The following DACH1 variants were observed in gnomAD, a reference collection of about 807,000 sequenced individuals.
DACH1 encodes the protein dachshund family transcription factor 1.
In DACH1, 12 loss-of-function variants were observed where a neutral mutation model predicts 54.2. The observed-to-expected ratio is 0.22, with a 90% CI of 0.14 to 0.36. DACH1 has a LOEUF of 0.36. Ranked by LOEUF, DACH1 falls within the 10% of genes least tolerant of loss-of-function variation. The probability of loss-of-function intolerance (pLI) is 1.00; values close to 1 mark genes in which losing one functional copy is unlikely to be tolerated. For synonymous variants in DACH1, 386 were observed against 366.2 expected (o/e 1.05, Z -0.62); for missense variants, 805 against 929.8 (o/e 0.87, Z 1.75).
chr13:71,611,338 C>G (rs561099132), intron 3 of DACH1, among the ~76,000 whole-genome samples: 5 of 152,268 alleles, frequency 3.3e-5, no homozygotes, highest in Admixed American at 3.3e-4. Context: ...ATCTTGTGTA[C>G]TGAATTAAAA....
intron 1 of DACH1, among the ~76,000 whole-genome samples, chr13:71,816,608 ATATATATACACGTG>A (rs1391733882): frequency 8.4e-5 from 8 of 94,914 alleles, no homozygotes; most frequent in African/African-American, 2.1e-4. Context: ...ATATGTGTGT[ATATATATACACGTG>A]TATATATACA....
chr13:71,557,218 G>C, intron 5 of DACH1, 60 bp from the exon 6 acceptor site: 2 of 1,478,574 alleles, frequency 1.4e-6, no homozygotes, highest in Non-Finnish European at 9.1e-7. Context: ...AACACACAAG[G>C]TTCCAATAAG....
intron 1 of DACH1, among the ~76,000 whole-genome samples, chr13:71,693,333 C>G (rs1472814110): frequency 1.6e-5 from 2 of 124,566 alleles, no homozygotes; most frequent in Non-Finnish European, 3.2e-5. Flanking sequence ...ACAAGAGTCT[C>G]GCTCTGTCGC....
intron 4 of DACH1, among the ~76,000 whole-genome samples, chr13:71,570,117 C>T (rs183465683): frequency 6.6e-6 from 1 of 152,226 alleles, no homozygotes; most frequent in East Asian, 1.9e-4. Flanking sequence ...TTGTTCTATA[C>T]AGTCAACCAA....
chr13:71,565,579 G>C (rs1404650918), intron 4 of DACH1, among the ~76,000 whole-genome samples: 1 of 152,074 alleles, frequency 6.6e-6, no homozygotes, highest in East Asian at 1.9e-4. Context: ...TTAAGAGACA[G>C]TCAATGATGT....
Position 71,620,221 on chromosome 13 carries a change from T to C in DACH1, c.1126+10335A>G, listed in dbSNP as rs1254948749. Among the ~76,000 whole-genome samples, 3 of 151,960 alleles carry C rather than the reference T, an allele frequency of 2.0e-5. No individual in the cohort carries two copies. In the East Asian group the frequency reaches 5.8e-4, roughly 29 times the overall value. On this transcript the variant is annotated intron_variant, in intron 3 of 10. Coordinates refer to ENST00000613252, the MANE Select transcript of DACH1 (RefSeq NM_080759.6). ...GCATGAGCGAGCAAAAACAGAAAGA[T>C]ACAAGCAAAAGCAAGATAATCTAGA...
At chr13:71,587,731 CAGCTGG>C in intron 3 of DACH1, among the ~76,000 whole-genome samples, 1 of 152,012 alleles carries the variant, frequency 6.6e-6, no homozygotes, top group South Asian at 2.1e-4. Context: ...AGATAAAAGC[CAGCTGG>C]ATCTGAATAA....
intron 6 of DACH1, among the ~76,000 whole-genome samples, chr13:71,544,163 G>T (rs1883317099): frequency 6.6e-6 from 1 of 152,090 alleles, no homozygotes; most frequent in Admixed American, 6.6e-5. Flanking sequence ...ACAAGCCATA[G>T]GTGTAGAAAG....
intron 10 of DACH1, among the ~76,000 whole-genome samples, chr13:71,465,528 T>C (rs929745291): frequency 4.6e-5 from 7 of 152,156 alleles, no homozygotes; most frequent in Non-Finnish European, 1.0e-4. Context: ...TTAGAGTTAG[T>C]TGTTATCTAT....
intron 2 of DACH1, among the ~76,000 whole-genome samples, chr13:71,658,472 C>T (rs1017222989): frequency 4.6e-5 from 7 of 152,100 alleles, no homozygotes; most frequent in Non-Finnish European, 7.4e-5. Flanking sequence ...ATCTCTTGAA[C>T]CCGGGAGGCT....
At chr13:71,700,430 G>T (rs1388860796) in intron 1 of DACH1, among the ~76,000 whole-genome samples, 1 of 151,608 alleles carries the variant, frequency 6.6e-6, no homozygotes, top group Non-Finnish European at 1.5e-5. Context: ...GTGACGCACG[G>T]CTGTATTCTC....
At chr13:71,519,238 G>A (rs1174118013) in intron 6 of DACH1, among the ~76,000 whole-genome samples, 1 of 151,778 alleles carries the variant, frequency 6.6e-6, no homozygotes, top group Admixed American at 6.6e-5. Flanking sequence ...AATGTATAGT[G>A]TATCACTAAT....
chr13:71,823,367 C>T (rs1169483690), intron 1 of DACH1, among the ~76,000 whole-genome samples: 1 of 151,968 alleles, frequency 6.6e-6, no homozygotes, highest in Admixed American at 6.6e-5. Context: ...GATGCATGCA[C>T]ATAATGATAC....
chr13:71,773,602 T>A lies in DACH1; in HGVS notation c.849-91692A>T, dbSNP rs117581613. On this transcript the variant is annotated intron_variant, in intron 1 of 10. Coordinates refer to ENST00000613252, the MANE Select transcript of DACH1 (RefSeq NM_080759.6). ...TCCATCTGTAATGATCTCATAGTAC[T>A]TTCAACCATTATTTAACTGTTAGAA... Among the ~76,000 whole-genome samples the A allele has an allele frequency of 4.6e-5, 7 of 152,136 alleles. No individual in the cohort carries two copies. In the East Asian group the frequency reaches 1.4e-3, roughly 29 times the overall value.
At chr13:71,711,041 G>A (rs1285456508) in intron 1 of DACH1, among the ~76,000 whole-genome samples, 1 of 152,050 alleles carries the variant, frequency 6.6e-6, no homozygotes, top group Admixed American at 6.6e-5. Flanking sequence ...TGGAAGAAAT[G>A]GTTCTAAGTA....
chr13:71,596,098 A>G (rs1000152587), intron 3 of DACH1, among the ~76,000 whole-genome samples: 4 of 146,182 alleles, frequency 2.7e-5, no homozygotes, highest in Non-Finnish European at 4.4e-5. Flanking sequence ...ACATTCACAT[A>G]TATGTATTTT....
chr13:71,856,738 G>A (rs564946710), intron 1 of DACH1, among the ~76,000 whole-genome samples: 8 of 151,962 alleles, frequency 5.3e-5, no homozygotes, highest in South Asian at 2.1e-4. Flanking sequence ...TACCGATGAC[G>A]TAATGACTTG....
intron 2 of DACH1, among the ~76,000 whole-genome samples, chr13:71,653,037 C>T (rs1004681634): frequency 2.0e-5 from 3 of 152,122 alleles, no homozygotes; most frequent in Non-Finnish European, 2.9e-5. Flanking sequence ...AGTCCAGATT[C>T]GGAAGCTTAA....
chr13:71,552,361 T>C (rs944329125), intron 6 of DACH1, among the ~76,000 whole-genome samples: 9 of 152,050 alleles, frequency 5.9e-5, no homozygotes, highest in Non-Finnish European at 1.3e-4. Flanking sequence ...TTTTCTATAA[T>C]TGGAAGAAGT....
Sources: gnomAD v4.1 joint callset for allele counts (sites outside exome capture counted in the v4.1 genomes callset) on GRCh38, gnomAD v4.1.1 for gene constraint, MANE v1.5 for transcripts, NCBI Gene and HGNC (gene_info 2026-07-23, HGNC 2026-07-21) for gene names.